Variants in COG5 observed in about 807,000 individuals in gnomAD.
The protein encoded by COG5 is component of oligomeric golgi complex 5.
In COG5, 86 loss-of-function variants were observed where a neutral mutation model predicts 110.4. That is an observed-to-expected ratio of 0.78 (90% CI 0.65 to 0.93). The LOEUF is 0.93. Among genes scored for constraint, COG5 ranks in the 40% least tolerant of loss-of-function variants. The pLI is 0.00. For synonymous variants in COG5, 360 were observed against 334.6 expected (o/e 1.08, Z -0.83); for missense variants, 1,077 against 987.0 (o/e 1.09, Z -1.22).
chr7:107,546,966 C>G (rs1269191858), intron 5 of COG5, among the ~76,000 whole-genome samples: 2 of 152,024 alleles, frequency 1.3e-5, no homozygotes, highest in African/African-American at 4.8e-5. Flanking sequence ...AAACTAATAC[C>G]AATCCTTCTA....
intron 6 of COG5, among the ~76,000 whole-genome samples, chr7:107,440,565 T>C (rs1297787581): frequency 6.6e-6 from 1 of 152,160 alleles, no homozygotes; most frequent in Non-Finnish European, 1.5e-5. Context: ...AGCTTCAGGA[T>C]GAAGGCTGGT....
At chr7:107,551,724 C>G (rs993902554) in intron 3 of COG5, among the ~76,000 whole-genome samples, 1 of 151,972 alleles carries the variant, frequency 6.6e-6, no homozygotes, top group African/African-American at 2.4e-5. Flanking sequence ...CTCAAGCGAT[C>G]CTCCTACATC....
At chr7:107,505,245 G>A (rs1798908510) in intron 6 of COG5, among the ~76,000 whole-genome samples, 1 of 152,208 alleles carries the variant, frequency 6.6e-6, no homozygotes, top group Non-Finnish European at 1.5e-5. Context: ...GCTAAAGCAG[G>A]TGGGTAAATG....
chr7:107,485,020 C>T (rs947079688), intron 6 of COG5, among the ~76,000 whole-genome samples: 3 of 152,176 alleles, frequency 2.0e-5, no homozygotes, highest in South Asian at 4.1e-4. Context: ...ACCCCACGAC[C>T]TTCAGAGATT....
At chr7:107,228,961 T>C (rs1307944461) in intron 19 of COG5, among the ~76,000 whole-genome samples, 3 of 152,170 alleles carry the variant, frequency 2.0e-5, no homozygotes, top group African/African-American at 4.8e-5. Context: ...GATCCTCTAG[T>C]TTCCAGTACT....
At position 107,402,839 on chromosome 7, in the gene COG5, A is replaced by C. The variant is rs1484954283; in HGVS notation, c.669+9663T>G. Among the ~76,000 whole-genome samples the C allele has an allele frequency of 2.6e-5, 4 of 152,184 alleles. No individual in the cohort carries two copies. The East Asian group carries it at 7.7e-4, about 29-fold the overall frequency. ...GTGCTCTACATCACCAGTCCTTCCA[A>C]ATTTTTCCAAAGAAAATGGTAGTGA... On this transcript the variant is annotated intron_variant, in intron 7 of 21. Coordinates refer to ENST00000297135, the MANE Select transcript of COG5 (RefSeq NM_006348.5).
intron 10 of COG5, among the ~76,000 whole-genome samples, chr7:107,361,438 A>G (rs1813103102): frequency 6.6e-6 from 1 of 152,208 alleles, no homozygotes; most frequent in African/African-American, 2.4e-5. Context: ...GTTTTAAAGC[A>G]CTTATAAGCT....
At chr7:107,208,536 T>C (rs1270790102) in intron 21 of COG5, 3 of 985,288 alleles carry the variant, frequency 3.0e-6, no homozygotes, top group Non-Finnish European at 3.6e-6. Flanking sequence ...GCTGAGTGAA[T>C]CTTTGGGACT....
intron 10 of COG5, among the ~76,000 whole-genome samples, chr7:107,335,350 ACTGCACT>A: frequency 6.6e-6 from 1 of 152,178 alleles, no homozygotes; most frequent in Non-Finnish European, 1.5e-5. Flanking sequence ...ACATCGCACC[ACTGCACT>A]CCAGCCTGGG....
At chr7:107,264,775 T>C (rs568308066) in intron 14 of COG5, among the ~76,000 whole-genome samples, 2 of 152,172 alleles carry the variant, frequency 1.3e-5, no homozygotes, top group South Asian at 2.1e-4. Context: ...ACAAAGATTA[T>C]ATTTATAAAA....
rs566085619 is a variant in COG5, at chr7:107,560,861, T to C, written c.95-2746A>G. Among the ~76,000 whole-genome samples the C allele has an allele frequency of 5.9e-5, 9 of 152,142 alleles. No individual in the cohort carries two copies. The South Asian group carries it at 1.9e-3, about 32-fold the overall frequency. ...GTCCAGTAGGCAGTTAAAAATATAG[T>C]TTTATAATTCAGAAGACAGGTAAGG... On this transcript the variant is annotated intron_variant, in intron 1 of 21. Coordinates refer to ENST00000297135, the MANE Select transcript of COG5 (RefSeq NM_006348.5).
chr7:107,439,627 A>G (rs1029649518), intron 6 of COG5, among the ~76,000 whole-genome samples: 2 of 151,998 alleles, frequency 1.3e-5, no homozygotes, highest in African/African-American at 4.8e-5. Flanking sequence ...TAACATAACC[A>G]TATTAACTAC....
chr7:107,404,584 T>A (rs1370720647), intron 7 of COG5, among the ~76,000 whole-genome samples: 1 of 152,048 alleles, frequency 6.6e-6, no homozygotes, highest in Non-Finnish European at 1.5e-5. Context: ...GAAAATGGGA[T>A]GTGAACGACT....
At chr7:107,216,022 A>C (rs2116255883) in intron 19 of COG5, among the ~76,000 whole-genome samples, 1 of 152,234 alleles carries the variant, frequency 6.6e-6, no homozygotes, top group South Asian at 2.1e-4. Flanking sequence ...GACTCAACTC[A>C]TTTCTAAGGA....
At chr7:107,496,326 G>A (rs1338109648) in intron 6 of COG5, among the ~76,000 whole-genome samples, 3 of 152,042 alleles carry the variant, frequency 2.0e-5, no homozygotes, top group African/African-American at 7.2e-5. Flanking sequence ...GAACAACTAG[G>A]ATCTATCTCT....
intron 1 of COG5, among the ~76,000 whole-genome samples, chr7:107,558,479 C>T (rs2129179833): frequency 6.6e-6 from 1 of 152,122 alleles, no homozygotes; most frequent in East Asian, 1.9e-4. Flanking sequence ...TGGCGGGTGC[C>T]TGTAATCCCA....
At position 107,415,844 on chromosome 7, in the gene COG5, A is replaced by ATGTATGTATGTGTG. The variant is rs1792735311; in HGVS notation, c.539-3213_539-3212insCACACATACATACA. On this transcript the variant is annotated intron_variant, in intron 6 of 21. Coordinates refer to ENST00000297135, the MANE Select transcript of COG5 (RefSeq NM_006348.5). ...TACACGTATGTATGTATGTGTGTGT[A>ATGTATGTATGTGTG]TATATACACACACATACACGTATGT... is the stretch of plus-strand genomic sequence containing the variant. Among the ~76,000 whole-genome samples, 9 of 54,854 alleles carry ATGTATGTATGTGTG rather than the reference A, an allele frequency of 1.6e-4. 1 individual carries two copies. Among genetic ancestry groups the ATGTATGTATGTGTG allele is most frequent in the African/African-American group, 8.1e-4 (9 of 11,110 alleles). The allele number at this position is 54,854 out of a possible 152,430, so 36.0% of individuals were successfully genotyped here. A position where few individuals can be genotyped will look rare whatever the true frequency, so the allele number is the denominator to read the frequency against.
chr7:107,316,657 C>CAAAAAAAAAA (rs760555445), intron 11 of COG5, among the ~76,000 whole-genome samples: 72 of 75,824 alleles, frequency 9.5e-4, no homozygotes, highest in Middle Eastern at 8.3e-3. Flanking sequence ...ACTAAAAATA[C>CAAAAAAAAAA]AAAAAAAAAA....
intron 7 of COG5, among the ~76,000 whole-genome samples, chr7:107,389,497 A>C (rs1477174481): frequency 9.2e-5 from 14 of 152,224 alleles, no homozygotes; most frequent in Non-Finnish European, 2.1e-4. Flanking sequence ...AGGTGGCCTC[A>C]AACCAGGTAA....
Sources: allele counts gnomAD v4.1 joint callset (sites outside exome capture counted in the v4.1 genomes callset), GRCh38; gene constraint gnomAD v4.1.1; transcripts MANE v1.5; gene names NCBI Gene and HGNC (gene_info 2026-07-23, HGNC 2026-07-21).